The following PACS2 variants were observed in gnomAD, a reference collection of about 807,000 sequenced individuals.
PACS2 encodes the protein PACS1-like protein.
In PACS2, 36 loss-of-function variants were observed where a neutral mutation model predicts 113.0. That is an observed-to-expected ratio of 0.32 (90% CI 0.24 to 0.42). The LOEUF (loss-of-function observed/expected upper bound fraction) is 0.42. PACS2 is among the 10% of genes least tolerant of loss of function. The pLI is 1.00. For synonymous variants in PACS2, 589 were observed against 536.1 expected, an observed-to-expected ratio of 1.10 and a Z score of -1.36; for missense variants, 1,015 against 1,239.5, an observed-to-expected ratio of 0.82 and a Z score of 2.72.
intron 20 of PACS2, 54 bp downstream of exon 20, chr14:105,390,057 G>A (rs1011261021): frequency 2.2e-5 from 33 of 1,486,070 alleles, no homozygotes; most frequent in Admixed American, 1.5e-4. Flanking sequence ...CCAACTTGTC[G>A]TTTACAGTCA....
At chr14:105,311,076 C>T (rs905783936), upstream of PACS2, among the ~76,000 whole-genome samples, 12 of 152,086 alleles carry the variant, frequency 7.9e-5, no homozygotes, top group African/African-American at 2.9e-4. Flanking sequence ...CCTCAGCCTC[C>T]CGAGTAGCTG....
chr14:105,359,808 G>C (rs1017427229), intron 4 of PACS2, among the ~76,000 whole-genome samples: 1 of 151,994 alleles, frequency 6.6e-6, no homozygotes, highest in Non-Finnish European at 1.5e-5. Flanking sequence ...AGCCAAGATG[G>C]TCTCGATCTC....
chr14:105,353,674 A>G (rs773055226), intron 3 of PACS2, among the ~76,000 whole-genome samples: 1 of 151,528 alleles, frequency 6.6e-6, no homozygotes, highest in Admixed American at 6.6e-5. Context: ...GCTCACTGCA[A>G]CCTCCACCTC....
chr14:105,390,251 G>A, intron 20 of PACS2: 1 of 547,318 alleles, frequency 1.8e-6, no homozygotes, highest in Non-Finnish European at 3.3e-6. Flanking sequence ...GCAGAGACAG[G>A]TCGGTGGGGC....
rs2141237712 is a variant in PACS2 at position 105,381,053 on chromosome 14, A to T, written c.1222A>T (p.Ser408Cys). Residue 408 changes from serine to cysteine, a missense_variant, in exon 12 of 25, where the codon AGC (serine) becomes TGC (cysteine). By Grantham distance (112) the Ser-to-Cys change is moderately radical. Coordinates refer to ENST00000447393, the MANE Select transcript of PACS2 (RefSeq NM_001100913.3). Reference protein sequence around the residue: ...LDVFTERLPPSGRITKTESLV... With the variant: ...LDVFTERLPPCGRITKTESLV... The stretch of plus-strand genomic sequence containing the variant: ...TGTGTTCACGGAGAGGCTGCCGCCC[A>T]GCGGGAGGATCACCAAGACAGAGTC... 1 of 1,612,402 alleles carries T rather than the reference A, an allele frequency of 6.2e-7. No homozygotes were observed. Among genetic ancestry groups the T allele is most frequent in the East Asian group, 2.2e-5 (1 of 44,868 alleles).
At position 105,348,777 on chromosome 14, in the gene PACS2, G is replaced by A; in HGVS notation, c.207+197G>A. 2 of 563,410 alleles carry A rather than the reference G, an allele frequency of 3.5e-6. No individual in the cohort carries two copies. Among genetic ancestry groups the A allele is most frequent in the Non-Finnish European group, 6.4e-6 (2 of 313,834 alleles). The allele number at this position is 563,410 out of a possible 1,614,324, so 34.9% of individuals were successfully genotyped here. On this transcript the variant is annotated intron_variant, in intron 2 of 24. Transcript: ENST00000447393. The surrounding 1 kb of genome is among the most constrained non-coding windows in gnomAD (Gnocchi z 6.4). ...GTCCTGTCCCGCACAAGGGAGGCAG[G>A]CCCGGCCTTCTGGGATGTGGAGGTC...
At chr14:105,375,338 C>T (rs997018963) in intron 8 of PACS2, among the ~76,000 whole-genome samples, 7 of 151,920 alleles carry the variant, frequency 4.6e-5, no homozygotes, top group South Asian at 4.1e-4. Context: ...AGTAGCCGGG[C>T]GTGGTGATGG....
Position 105,315,034 on chromosome 14 carries a change from C to T in PACS2, c.116C>T (p.Pro39Leu). The T allele has an allele frequency of 8.3e-7, 1 of 1,202,740 alleles. No homozygotes were observed. Among genetic ancestry groups the T allele is most frequent in the East Asian group, 4.9e-5 (1 of 20,302 alleles). 74.5% of individuals were successfully genotyped at this position (1,202,740 alleles called of 1,614,324 possible). A position where few individuals can be genotyped will look rare whatever the true frequency, so the allele number is the denominator to read the frequency against. ...GACGGCTCCAGCCCCAGCTGCGTGC[C>T]CAGGTACGCGCCGCCCGCCGCGCTT... ...EVDGSSPSCV[P>L]RLCSLTLKKL... The change falls in exon 1 of 25, where the codon CCC becomes CTC. Residue 39 changes from proline to leucine, a missense_variant. Physicochemically the swap from Pro to Leu is moderately conservative, Grantham distance 98. Transcript: ENST00000447393. This position sits in a 1 kb window ranked among gnomAD's most constrained non-coding sequence, Gnocchi z 4.4.
chr14:105,377,128 C>T (rs1480350883), intron 9 of PACS2, among the ~76,000 whole-genome samples: 1 of 152,182 alleles, frequency 6.6e-6, no homozygotes, highest in Non-Finnish European at 1.5e-5. Context: ...CTGAGCCAGG[C>T]AGCTTTCCTT....
At chr14:105,349,271 G>A (rs782769596) in intron 2 of PACS2, among the ~76,000 whole-genome samples, 57 of 152,246 alleles carry the variant, frequency 3.7e-4, no homozygotes, top group Admixed American at 1.4e-3. Flanking sequence ...TAGGGCCACC[G>A]CCAGCGGGCT....
chr14:105,308,112 G>A (rs2058243470), intron 1 of PACS2, among the ~76,000 whole-genome samples: 1 of 152,134 alleles, frequency 6.6e-6, no homozygotes, highest in South Asian at 2.1e-4. Flanking sequence ...GAACCCAGGT[G>A]ACTGAGGCTG....
At chr14:105,333,941 C>A (rs1458479968) in intron 1 of PACS2, among the ~76,000 whole-genome samples, 3 of 152,242 alleles carry the variant, frequency 2.0e-5, no homozygotes, top group African/African-American at 7.2e-5. Context: ...GCTAAAATAG[C>A]CCCTGCACAG....
In PACS2 at chr14:105,382,057, A is replaced by G. The variant is rs1477658355; in HGVS notation, c.1412A>G (p.Gln471Arg). 3.9e-6 allele frequency: 6 copies of G among 1,542,398 alleles called. No homozygotes were observed. Among genetic ancestry groups the G allele is most frequent in the Admixed American group, 2.0e-5 (1 of 50,832 alleles). ...CGGAGCCAGCTACAGGTGCAGCTGC[A>G]GGTGGGGGTGGAGGGCGTGGCACGC... The part of the protein sequence containing the change: ...DARSQLQVQL[Q>R]IPRKTVYDQL... Residue 471 changes from glutamine (Q) to arginine (R), a missense_variant and splice_region_variant, in exon 13 of 25, where the codon CAG (glutamine) becomes CGG (arginine). Gln to Arg is a conservative substitution (Grantham distance 43, BLOSUM62 1). This residue lies in a region of PACS2 where 859 missense variants were observed against 1,056.8 expected (regional missense o/e 0.81). Transcript: ENST00000447393.
intron 8 of PACS2, chr14:105,370,277 G>GA (rs2061101946): frequency 1.3e-5 from 1 of 77,004 alleles, no homozygotes; most frequent in African/African-American, 4.9e-5. Context: ...CCACCTGACA[G>GA]CCCCCCACTA....
At position 105,334,284 on chromosome 14, in the gene PACS2, C is replaced by G. The variant is rs148622393; in HGVS notation, c.120-14209C>G. On this transcript the variant is annotated intron_variant, in intron 1 of 24. Coordinates refer to ENST00000447393, the MANE Select transcript of PACS2 (RefSeq NM_001100913.3). ...TGCCAGCTAGCTGAGTGGGTCAGGC[C>G]ACAGACCCCACCTGACTCCAGGGCA... Among the ~76,000 whole-genome samples, 395 of 152,372 alleles carry G rather than the reference C, an allele frequency of 2.6e-3. 2 individuals are homozygous for G. The highest frequency in any genetic ancestry group is 6.8e-3 in the Middle Eastern group (2 of 294).
intron 17 of PACS2, 36 bp downstream of exon 17, chr14:105,384,499 C>A (rs1367795831): frequency 7.0e-7 from 1 of 1,435,766 alleles, no homozygotes; most frequent in Non-Finnish European, 9.7e-7. Context: ...CACGCCACGG[C>A]GGGAGGAAGG....
At position 105,349,430 on chromosome 14, in the gene PACS2, GC is replaced by G. The variant is rs368097846; in HGVS notation, c.207+853del. On this transcript the variant is annotated intron_variant, in intron 2 of 24. Coordinates refer to ENST00000447393, the MANE Select transcript of PACS2 (RefSeq NM_001100913.3). ...AGCCCATCAGCTCCTCGAGGATGGG[GC>G]CCTGCCCTTGGAGCCCATGTCCAAG... is the stretch of plus-strand genomic sequence containing the variant. 4.7e-4 allele frequency among the ~76,000 whole-genome samples: 71 copies of G among 152,344 alleles called. No individual in the cohort carries two copies. The East Asian group carries it at 0.012, about 25-fold the overall frequency.
intron 24 of PACS2, chr14:105,393,593 GT>G (rs1371106566): frequency 0.033 from 10,099 of 304,906 alleles, 2 homozygotes; most frequent in South Asian, 0.049. Context: ...TTTTGTTTTG[GT>G]TTTTTTTTTT....
Position 105,335,892 on chromosome 14 carries a change from C to A in PACS2, c.120-12601C>A, listed in dbSNP as rs955161380. On this transcript the variant is annotated intron_variant, in intron 1 of 24. Transcript: ENST00000447393. ...GTGCTGGTGATGCAGGAGCAGAGAG[C>A]CCCGTGGAACTCTCTCCATGAGGAC... Among the ~76,000 whole-genome samples the A allele has an allele frequency of 2.0e-5, 3 of 152,232 alleles. No homozygotes were observed. The East Asian group carries it at 5.8e-4, about 29-fold the overall frequency.
Sources: allele counts gnomAD v4.1 joint callset (sites outside exome capture counted in the v4.1 genomes callset), GRCh38; gene constraint gnomAD v4.1.1; regional missense constraint gnomAD v4.1.1; non-coding constraint Gnocchi (gnomAD v3.1); transcripts MANE v1.5; gene names NCBI Gene and HGNC (gene_info 2026-07-23, HGNC 2026-07-21).